Variants in SLC13A5 observed in about 807,000 individuals in gnomAD.
SLC13A5 encodes Na(+)/citrate cotransporter.
SLC13A5 carries 25 observed loss-of-function variants against 56.5 expected under a neutral mutation model. The observed-to-expected ratio is 0.44, with a 90% CI of 0.32 to 0.62. The LOEUF is 0.62. Ranked by LOEUF, SLC13A5 falls within the 20% of genes least tolerant of loss-of-function variation. The probability of loss-of-function intolerance (pLI) is 0.04; values close to 1 mark genes in which losing one functional copy is unlikely to be tolerated. For missense variants in SLC13A5, 649 were observed against 737.8 expected, an observed-to-expected ratio of 0.88 and a Z score of 1.39; for synonymous variants, 307 against 301.5, an observed-to-expected ratio of 1.02 and a Z score of -0.19.
intron 8 of SLC13A5, among the ~76,000 whole-genome samples, chr17:6,693,851 T>C (rs1005214592): frequency 6.6e-6 from 1 of 152,198 alleles, no homozygotes; most frequent in African/African-American, 2.4e-5. Flanking sequence ...TTTGAAACAT[T>C]TTCTGTTCCT....
chr17:6,686,855 T>C (rs1973265465), intron 11 of SLC13A5: 1 of 156,956 alleles, frequency 6.4e-6, no homozygotes, highest in African/African-American at 2.4e-5. Flanking sequence ...GGACCCACCT[T>C]TTTTTTTGAA....
At position 6,713,180 on chromosome 17, in the gene SLC13A5, A is replaced by T; in HGVS notation, c.102+52T>A. 6.4e-7 allele frequency: 1 copy of T among 1,565,868 alleles called. No homozygotes were observed. The highest frequency in any genetic ancestry group is 8.8e-7 in the Non-Finnish European group (1 of 1,141,560). On this transcript the variant is annotated intron_variant, in intron 1 of 11. Transcript: ENST00000433363. This position sits in a 1 kb window ranked among gnomAD's most constrained non-coding sequence, Gnocchi z 7.3. The stretch of plus-strand genomic sequence containing the variant: ...AGGGCTCCCGGGATCGGTGCCCGTT[A>T]GTGGGCACAGGACGCCGGGTGTCCG...
At chr17:6,708,508 C>T (rs569133653) in intron 1 of SLC13A5, among the ~76,000 whole-genome samples, 1 of 152,352 alleles carries the variant, frequency 6.6e-6, no homozygotes, top group Admixed American at 6.5e-5. Context: ...GCCAATATTC[C>T]CATAGGCAAA....
intron 6 of SLC13A5, among the ~76,000 whole-genome samples, chr17:6,698,889 A>C (rs1049367920): frequency 9.9e-5 from 15 of 151,704 alleles, no homozygotes; most frequent in Admixed American, 9.2e-4. Flanking sequence ...AAATACAAAA[A>C]TTAGCCAGGC....
intron 8 of SLC13A5, 118 bp from the exon 9 acceptor site, chr17:6,693,280 TAA>T (rs1973465973): frequency 1.5e-6 from 1 of 673,898 alleles, no homozygotes; most frequent in Non-Finnish European, 2.4e-6. Context: ...GGAATAAAGC[TAA>T]TAAGGACAAT....
rs1260701000 is a variant in SLC13A5, at chr17:6,684,765, G to A, written c.*1442C>T. The A allele has an allele frequency of 6.6e-6, 1 of 152,244 alleles. No individual in the cohort carries two copies. Among genetic ancestry groups the A allele is most frequent in the African/African-American group, 2.4e-5 (1 of 41,450 alleles). 9.4% of individuals were successfully genotyped at this position (152,244 alleles called of 1,614,324 possible). ...TTAATGAGAGCAAGAGCTGGACAGT[G>A]TGGTCAGGAATCGTCCCACCCAAGG... On this transcript the variant is annotated 3_prime_UTR_variant, in exon 12 of 12. Transcript: ENST00000433363.
chr17:6,696,372 G>A (rs1018180448), intron 6 of SLC13A5, among the ~76,000 whole-genome samples: 5 of 152,218 alleles, frequency 3.3e-5, no homozygotes, highest in African/African-American at 4.8e-5. Context: ...GATGCAGGGA[G>A]TGAGTATGAA....
At position 6,687,219 on chromosome 17, in the gene SLC13A5, C is replaced by A; in HGVS notation, c.1575+310G>T. The A allele has an allele frequency of 6.2e-6, 2 of 323,386 alleles. No individual in the cohort carries two copies. The highest frequency in any genetic ancestry group is 6.7e-5 in the South Asian group (2 of 29,746). The allele number at this position is 323,386 out of a possible 1,614,324, so 20.0% of individuals were successfully genotyped here. A position where few individuals can be genotyped will look rare whatever the true frequency, so the allele number is the denominator to read the frequency against. The stretch of plus-strand genomic sequence containing the variant: ...TTCTTGCTAATTTGTCAAGTTCATC[C>A]TTGGCCATATGAGTCCCTCAGCCCC... On this transcript the variant is annotated intron_variant, in intron 11 of 11. Transcript: ENST00000433363. The surrounding 1 kb of genome is among the most constrained non-coding windows in gnomAD (Gnocchi z 5.0).
intron 6 of SLC13A5, among the ~76,000 whole-genome samples, chr17:6,699,228 C>T (rs1185075300): frequency 2.0e-5 from 3 of 152,186 alleles, no homozygotes; most frequent in Admixed American, 6.5e-5. Context: ...GCAGCAGGTT[C>T]AGGACCATCT....
intron 11 of SLC13A5, 123 bp from the exon 12 acceptor site, chr17:6,686,461 G>C (rs1013076018): frequency 1.7e-5 from 22 of 1,291,812 alleles, no homozygotes; most frequent in East Asian, 1.2e-4. Context: ...CCTGGCTGGG[G>C]TGTCCCGACC....
Position 6,687,823 on chromosome 17 carries a change from C to A in SLC13A5, c.1438-157G>T. The A allele has an allele frequency of 1.1e-6, 1 of 923,734 alleles. No individual in the cohort carries two copies. The highest frequency in any genetic ancestry group is 1.5e-6 in the Non-Finnish European group (1 of 657,412). The allele number at this position is 923,734 out of a possible 1,614,324, so 57.2% of individuals were successfully genotyped here. A position where few individuals can be genotyped will look rare whatever the true frequency, so the allele number is the denominator to read the frequency against. Reference sequence around the variant, plus strand: ...TTTGCCACGTCTCTGGCAGATAATTCCACCTACGGAACACTGAAGGCTGAG... The same window carrying A: ...TTTGCCACGTCTCTGGCAGATAATTACACCTACGGAACACTGAAGGCTGAG... On this transcript the variant is annotated intron_variant, in intron 10 of 11. Coordinates refer to ENST00000433363, the MANE Select transcript of SLC13A5 (RefSeq NM_177550.5). The surrounding 1 kb of genome is among the most constrained non-coding windows in gnomAD (Gnocchi z 5.0).
intron 4 of SLC13A5, 139 bp downstream of exon 4, chr17:6,703,739 T>C: frequency 3.6e-6 from 3 of 833,912 alleles, no homozygotes; most frequent in East Asian, 2.7e-5. Flanking sequence ...AACAGTATTT[T>C]CTATTTTTTT....
rs764261581 is a variant in SLC13A5, at chr17:6,701,566, C to T, written c.717-440G>A. On this transcript the variant is annotated intron_variant, in intron 5 of 11. Coordinates refer to ENST00000433363, the MANE Select transcript of SLC13A5 (RefSeq NM_177550.5). The surrounding 1 kb of genome is among the most constrained non-coding windows in gnomAD (Gnocchi z 4.1). Reference sequence around the variant, plus strand: ...CTCCACTAAAAATACAAAAATTAACCAGGCATGGTGGCGGGCGCCTGTAAT... The same window carrying T: ...CTCCACTAAAAATACAAAAATTAACTAGGCATGGTGGCGGGCGCCTGTAAT... Among the ~76,000 whole-genome samples, 2 of 152,116 alleles carry T rather than the reference C, an allele frequency of 1.3e-5. No homozygotes were observed. The highest frequency in any genetic ancestry group is 2.9e-5 in the Non-Finnish European group (2 of 68,024).
chr17:6,708,274 T>C (rs997500719), intron 1 of SLC13A5, among the ~76,000 whole-genome samples: 1 of 152,174 alleles, frequency 6.6e-6, no homozygotes, highest in Non-Finnish European at 1.5e-5. Context: ...AACCTCAGAG[T>C]TCCTTCTTAG....
At chr17:6,690,685 C>T in intron 10 of SLC13A5, 94 bp downstream of exon 10, 2 of 1,562,252 alleles carry the variant, frequency 1.3e-6, no homozygotes, top group Non-Finnish European at 1.8e-6. Flanking sequence ...TGGTCTGAGT[C>T]TGGCCTGGAC....
At chr17:6,707,694 C>T (rs376087813) in intron 1 of SLC13A5, among the ~76,000 whole-genome samples, 2 of 152,062 alleles carry the variant, frequency 1.3e-5, no homozygotes, top group South Asian at 2.1e-4. Context: ...AGAGAAGTGA[C>T]TCAGCAATGG....
At position 6,713,149 on chromosome 17, in the gene SLC13A5, C is replaced by A. The variant is rs1974084151; in HGVS notation, c.102+83G>T. ...TGCTCCCCGCGAAATCCGTGCGCTC[C>A]AGCTCAGGGCTCCCGGGATCGGTGC... On this transcript the variant is annotated intron_variant, in intron 1 of 11. Transcript: ENST00000433363. This position sits in a 1 kb window ranked among gnomAD's most constrained non-coding sequence, Gnocchi z 7.3. 1.4e-6 allele frequency: 2 copies of A among 1,411,260 alleles called. No individual in the cohort carries two copies. Among genetic ancestry groups the A allele is most frequent in the Non-Finnish European group, 2.0e-6 (2 of 1,018,534 alleles). 87.4% of individuals were successfully genotyped at this position (1,411,260 alleles called of 1,614,324 possible).
chr17:6,686,427 G>A (rs1279483946), intron 11 of SLC13A5, 89 bp from the exon 12 acceptor site: 30 of 1,533,294 alleles, frequency 2.0e-5, no homozygotes, highest in African/African-American at 5.5e-5. Flanking sequence ...ACTGGGCCTC[G>A]ATGTCCCTGT....
Position 6,700,721 on chromosome 17 carries a change from G to A in SLC13A5, c.839+283C>T, listed in dbSNP as rs1345377607. On this transcript the variant is annotated intron_variant, in intron 6 of 11. Transcript: ENST00000433363. ...AGGGGCCGCTCAGAGATGGAATGGGGGTGGGGAAAAGTCAGGGAAGCAGCA... is the reference window on the plus strand; with the variant it reads ...AGGGGCCGCTCAGAGATGGAATGGGAGTGGGGAAAAGTCAGGGAAGCAGCA... 3.3e-5 allele frequency among the ~76,000 whole-genome samples: 5 copies of A among 152,296 alleles called. No homozygotes were observed. In the East Asian group the frequency reaches 7.7e-4, roughly 24 times the overall value.
Sources: allele counts gnomAD v4.1 joint callset (sites outside exome capture counted in the v4.1 genomes callset), GRCh38; gene constraint gnomAD v4.1.1; non-coding constraint Gnocchi (gnomAD v3.1); transcripts MANE v1.5; gene names NCBI Gene and HGNC (gene_info 2026-07-23, HGNC 2026-07-21).